The following FSTL5 variants were observed in gnomAD, a reference collection of about 807,000 sequenced individuals.
FSTL5 encodes the protein follistatin-related protein 5.
Under a neutral mutation model 89.1 loss-of-function variants are expected in FSTL5, and 62 were observed. That is an observed-to-expected ratio of 0.70 (90% CI 0.57 to 0.86). FSTL5 has a LOEUF of 0.86. Ranked by LOEUF, FSTL5 falls within the 40% of genes least tolerant of loss-of-function variation. FSTL5 has a pLI of 0.00. For synonymous variants in FSTL5, 383 were observed against 346.2 expected (o/e 1.11, Z -1.18); for missense variants, 1,057 against 1,001.6 (o/e 1.06, Z -0.75).
At chr4:161,985,742 T>C (rs972595506) in intron 3 of FSTL5, among the ~76,000 whole-genome samples, 1 of 151,922 alleles carries the variant, frequency 6.6e-6, no homozygotes. Flanking sequence ...TTCCTTTTTA[T>C]AAATTAAATA....
intron 6 of FSTL5, among the ~76,000 whole-genome samples, chr4:161,711,849 A>G (rs1166671780): frequency 2.0e-5 from 3 of 152,218 alleles, no homozygotes; most frequent in Non-Finnish European, 4.4e-5. Flanking sequence ...TATATAGTGT[A>G]TCATATCAAT....
chr4:161,597,368 C>A (rs184206697), intron 7 of FSTL5, among the ~76,000 whole-genome samples: 1 of 150,706 alleles, frequency 6.6e-6, no homozygotes, highest in Non-Finnish European at 1.5e-5. Flanking sequence ...TCTCAGCAAA[C>A]TATCCCAAGG....
At chr4:162,116,129 T>C (rs1047055090) in intron 1 of FSTL5, among the ~76,000 whole-genome samples, 1 of 152,164 alleles carries the variant, frequency 6.6e-6, no homozygotes, top group African/African-American at 2.4e-5. Flanking sequence ...CTTGACTTAA[T>C]GGCACAAAAG....
intron 6 of FSTL5, among the ~76,000 whole-genome samples, chr4:161,659,911 A>G (rs927566652): frequency 6.6e-6 from 1 of 152,176 alleles, no homozygotes; most frequent in East Asian, 1.9e-4. Flanking sequence ...TGCAACAAAT[A>G]GCACCAATCA....
chr4:161,923,183 C>T (rs1427173456), intron 3 of FSTL5, among the ~76,000 whole-genome samples: 1 of 151,814 alleles, frequency 6.6e-6, no homozygotes, highest in African/African-American at 2.4e-5. Context: ...TATGTTTGGC[C>T]TATAATAGCT....
At chr4:161,561,163 T>C (rs1732583771) in intron 8 of FSTL5, among the ~76,000 whole-genome samples, 1 of 151,676 alleles carries the variant, frequency 6.6e-6, no homozygotes, top group South Asian at 2.1e-4. Context: ...GACAGAAATG[T>C]TGTTGTGCAG....
chr4:161,933,288 G>A (rs1395877794), intron 3 of FSTL5, among the ~76,000 whole-genome samples: 1 of 151,988 alleles, frequency 6.6e-6, no homozygotes, highest in African/African-American at 2.4e-5. Flanking sequence ...TTCATGGTGT[G>A]TCACCCTTGG....
intron 2 of FSTL5, among the ~76,000 whole-genome samples, chr4:162,036,103 T>G (rs1737727668): frequency 6.6e-6 from 1 of 152,142 alleles, no homozygotes; most frequent in African/African-American, 2.4e-5. Context: ...GCTCATTCTT[T>G]TAGCAATCTC....
At chr4:161,556,861 T>TATATATATATATATATATATAA (rs1481819989) in intron 8 of FSTL5, among the ~76,000 whole-genome samples, 1 of 150,222 alleles carries the variant, frequency 6.7e-6, no homozygotes, top group Non-Finnish European at 1.5e-5. Flanking sequence ...TATATATATA[T>TATATATATATATATATATATAA]AATCCTGGAT....
chr4:162,111,288 T>C lies in FSTL5; in HGVS notation c.109A>G (p.Met37Val), dbSNP rs2111407159. The change falls in exon 2 of 16, where the codon ATG becomes GTG. Residue 37 changes from methionine to valine, a missense_variant. By Grantham distance (21) the Met-to-Val change is conservative. Coordinates refer to ENST00000306100, the MANE Select transcript of FSTL5 (RefSeq NM_020116.5). ...GACTGTACCTTATGTCGCAATCTCA[T>C]TAGAGGCTGATAGGATTTAAGGCCA... ...GYGLKSYQPL[M>V]RLRHKQEKNQ... 2 of 1,610,834 alleles carry C rather than the reference T, an allele frequency of 1.2e-6. No individual in the cohort carries two copies. The highest frequency in any genetic ancestry group is 1.7e-6 in the Non-Finnish European group (2 of 1,177,784).
intron 7 of FSTL5, among the ~76,000 whole-genome samples, chr4:161,604,755 C>T (rs1323699358): frequency 6.6e-6 from 1 of 152,114 alleles, no homozygotes; most frequent in South Asian, 2.1e-4. Context: ...CTGCTGTAAA[C>T]TGCTTTTTAT....
rs1186204664 is a variant in FSTL5, at chr4:162,124,837, C to A, written c.-16-13425G>T. Reference sequence around the variant, plus strand: ...GCCTCAGCCTCCAGAGTAGCTGGGACTACAGGCGCCCGCCACCACGTCCAG... The same window carrying A: ...GCCTCAGCCTCCAGAGTAGCTGGGAATACAGGCGCCCGCCACCACGTCCAG... On this transcript the variant is annotated intron_variant, in intron 1 of 15. Coordinates refer to ENST00000306100, the MANE Select transcript of FSTL5 (RefSeq NM_020116.5). 1.3e-5 allele frequency among the ~76,000 whole-genome samples: 2 copies of A among 152,128 alleles called. 1 individual carries two copies. The highest frequency in any genetic ancestry group is 2.9e-5 in the Non-Finnish European group (2 of 68,018).
chr4:161,547,163 C>T (rs925916262), intron 8 of FSTL5, among the ~76,000 whole-genome samples: 6 of 151,984 alleles, frequency 3.9e-5, no homozygotes, highest in African/African-American at 9.7e-5. Context: ...CCAATAGCCA[C>T]GTGAGTGAGT....
intron 12 of FSTL5, among the ~76,000 whole-genome samples, chr4:161,482,792 T>C (rs2126456362): frequency 6.6e-6 from 1 of 152,344 alleles, no homozygotes; most frequent in East Asian, 1.9e-4. Flanking sequence ...GCTGTTTATG[T>C]TCTCCAAATG....
chr4:162,064,789 G>T (rs1042785442), intron 2 of FSTL5, among the ~76,000 whole-genome samples: 1 of 151,922 alleles, frequency 6.6e-6, no homozygotes. Flanking sequence ...CTGAAATTAC[G>T]TACTCTTTGA....
At chr4:161,857,668 C>T (rs1329493106) in intron 4 of FSTL5, among the ~76,000 whole-genome samples, 1 of 151,918 alleles carries the variant, frequency 6.6e-6, no homozygotes, top group Non-Finnish European at 1.5e-5. Context: ...TTATCACATC[C>T]CCACTATGAA....
At chr4:161,797,032 C>A (rs913008002) in intron 4 of FSTL5, among the ~76,000 whole-genome samples, 1 of 151,502 alleles carries the variant, frequency 6.6e-6, no homozygotes, top group African/African-American at 2.4e-5. Context: ...ACTCTTAACT[C>A]CTTTTGTTTT....
intron 15 of FSTL5, among the ~76,000 whole-genome samples, chr4:161,393,253 T>C (rs1442989107): frequency 6.6e-6 from 1 of 151,708 alleles, no homozygotes; most frequent in Admixed American, 6.6e-5. Context: ...AAGAGAGAGA[T>C]AGTAACTGAA....
chr4:161,787,028 T>C (rs890512142), intron 4 of FSTL5, among the ~76,000 whole-genome samples: 11 of 152,230 alleles, frequency 7.2e-5, no homozygotes, highest in African/African-American at 2.6e-4. Flanking sequence ...TGACCAAAGA[T>C]ATTAAGGAAG....
Sources: allele counts gnomAD v4.1 joint callset (sites outside exome capture counted in the v4.1 genomes callset), GRCh38; gene constraint gnomAD v4.1.1; transcripts MANE v1.5; gene names NCBI Gene and HGNC (gene_info 2026-07-23, HGNC 2026-07-21).